PDE4D: variants seen among roughly 807,000 people sequenced by gnomAD.
PDE4D encodes the protein 3',5'-cyclic-AMP phosphodiesterase 4D.
Under a neutral mutation model 87.4 loss-of-function variants are expected in PDE4D, and 24 were observed. The ratio of observed to expected loss-of-function variants is 0.27; its 90% CI spans 0.20 to 0.39. The LOEUF is 0.39. Ranked by LOEUF, PDE4D falls within the 10% of genes least tolerant of loss-of-function variation. PDE4D has a pLI of 1.00. For synonymous variants in PDE4D, 384 were observed against 383.2 expected, an observed-to-expected ratio of 1.00 and a Z score of -0.02; for missense variants, 714 against 1,041.0, an observed-to-expected ratio of 0.69 and a Z score of 4.32.
At chr5:59,513,105 G>T (rs904139562) in intron 1 of PDE4D, among the ~76,000 whole-genome samples, 2 of 151,918 alleles carry the variant, frequency 1.3e-5, no homozygotes, top group Non-Finnish European at 2.9e-5. Flanking sequence ...TTTTCATGCC[G>T]CTATCTTTTT....
chr5:59,117,682 T>C (rs1289299187), intron 5 of PDE4D, among the ~76,000 whole-genome samples: 1 of 152,206 alleles, frequency 6.6e-6, no homozygotes, highest in Non-Finnish European at 1.5e-5. Context: ...GAACTGGATC[T>C]TGTTAAGTGT....
intron 1 of PDE4D, among the ~76,000 whole-genome samples, chr5:60,413,119 C>T (rs1477740303): frequency 6.6e-6 from 1 of 152,158 alleles, no homozygotes; most frequent in Non-Finnish European, 1.5e-5. Context: ...GCTGAGCTCA[C>T]AAGCACATAA....
chr5:59,742,433 C>A (rs1213948061), intron 1 of PDE4D, among the ~76,000 whole-genome samples: 1 of 152,146 alleles, frequency 6.6e-6, no homozygotes, highest in African/African-American at 2.4e-5. Flanking sequence ...ACATGGACAA[C>A]CATTCTATAC....
At chr5:59,780,054 G>A (rs1437577524) in intron 1 of PDE4D, among the ~76,000 whole-genome samples, 1 of 152,130 alleles carries the variant, frequency 6.6e-6, no homozygotes, top group African/African-American at 2.4e-5. Context: ...TATTTCTTAG[G>A]CAGAAGAAAT....
At chr5:59,850,591 G>A (rs1239489317) in intron 1 of PDE4D, among the ~76,000 whole-genome samples, 1 of 152,036 alleles carries the variant, frequency 6.6e-6, no homozygotes, top group Non-Finnish European at 1.5e-5. Context: ...AACATTAAGA[G>A]GTCCAGCATG....
At chr5:59,563,708 A>G (rs752182165) in intron 1 of PDE4D, among the ~76,000 whole-genome samples, 2 of 152,242 alleles carry the variant, frequency 1.3e-5, no homozygotes, top group Non-Finnish European at 2.9e-5. Flanking sequence ...GAGCCAGAAT[A>G]TAAACCTAAG....
chr5:60,102,463 G>T (rs1333592790), intron 2 of PDE4D, among the ~76,000 whole-genome samples: 1 of 152,074 alleles, frequency 6.6e-6, no homozygotes, highest in Non-Finnish European at 1.5e-5. Context: ...ATTCAGGTAG[G>T]TAGGAAAGCA....
intron 2 of PDE4D, among the ~76,000 whole-genome samples, chr5:60,121,911 G>C (rs1372982117): frequency 6.6e-6 from 1 of 152,150 alleles, no homozygotes; most frequent in African/African-American, 2.4e-5. Context: ...TTACTTCCTA[G>C]AGACAATGCA....
intron 1 of PDE4D, chr5:59,275,609 T>C (rs973204019): frequency 7.4e-7 from 1 of 1,353,690 alleles, no homozygotes; most frequent in Non-Finnish European, 9.5e-7. Flanking sequence ...TCCTTCATAC[T>C]GAATTTACTC....
chr5:59,504,900 ATATGTGTGTG>A (rs1562298813), intron 1 of PDE4D, among the ~76,000 whole-genome samples: 1 of 107,374 alleles, frequency 9.3e-6, no homozygotes, highest in African/African-American at 4.2e-5. Flanking sequence ...TGGTAGGGGT[ATATGTGTGTG>A]TGTGTGTGTG....
At chr5:59,235,826 A>T (rs28054) in intron 1 of PDE4D, among the ~76,000 whole-genome samples, 1 of 151,946 alleles carries the variant, frequency 6.6e-6, no homozygotes, top group Non-Finnish European at 1.5e-5. Context: ...TAATCATCCT[A>T]ACAATATTGT....
intron 3 of PDE4D, 32 bp from the exon 4 acceptor site, chr5:59,185,294 G>T (rs1263284892): frequency 4.6e-6 from 7 of 1,508,370 alleles, no homozygotes; most frequent in Middle Eastern, 1.7e-4. Flanking sequence ...GAAACTTCTT[G>T]AGCTAAGGCC....
intron 1 of PDE4D, among the ~76,000 whole-genome samples, chr5:59,230,209 T>G (rs1754855146): frequency 6.6e-6 from 1 of 152,154 alleles, no homozygotes; most frequent in African/African-American, 2.4e-5. Context: ...ACCCAAATTT[T>G]CAAAGCTTAC....
At chr5:60,396,349 G>A (rs1052556978) in intron 1 of PDE4D, among the ~76,000 whole-genome samples, 1 of 152,120 alleles carries the variant, frequency 6.6e-6, no homozygotes, top group African/African-American at 2.4e-5. Flanking sequence ...TTGGGCTGCT[G>A]CCACCTGGGA....
chr5:59,918,101 A>G (rs1000369244), intron 3 of PDE4D, among the ~76,000 whole-genome samples: 5 of 152,102 alleles, frequency 3.3e-5, no homozygotes, highest in Non-Finnish European at 4.4e-5. Context: ...ATTATATTTA[A>G]TAATGATAAA....
chr5:60,409,038 T>A (rs1030623789), intron 1 of PDE4D, among the ~76,000 whole-genome samples: 5 of 152,310 alleles, frequency 3.3e-5, no homozygotes, highest in African/African-American at 1.2e-4. Flanking sequence ...ACAGCCCCTG[T>A]CCTCTTGAGG....
chr5:59,337,400 C>T lies in PDE4D; in HGVS notation c.456-121432G>A, dbSNP rs372908575. ...AGGCTGGAGGGCAGTGGTGTGATCTCGGCTCACTGCAGGCTCCGTCCCCCG... is the reference window on the plus strand; with the variant it reads ...AGGCTGGAGGGCAGTGGTGTGATCTTGGCTCACTGCAGGCTCCGTCCCCCG... On this transcript the variant is annotated intron_variant, in intron 1 of 14. Transcript: ENST00000340635. Among the ~76,000 whole-genome samples the T allele has an allele frequency of 3.9e-4, 53 of 136,572 alleles. No individual in the cohort carries two copies. In the East Asian group the frequency reaches 9.3e-3, roughly 24 times the overall value. 89.6% of individuals were successfully genotyped at this position (136,572 alleles called of 152,430 possible). A position where few individuals can be genotyped will look rare whatever the true frequency, so the allele number is the denominator to read the frequency against.
At chr5:58,989,010 G>C (rs892593395) in intron 10 of PDE4D, among the ~76,000 whole-genome samples, 13 of 152,034 alleles carry the variant, frequency 8.6e-5, no homozygotes, top group Non-Finnish European at 8.8e-5. Flanking sequence ...GACATTTTGG[G>C]CCCAATAACT....
chr5:59,056,804 A>G (rs1482895889), intron 5 of PDE4D, among the ~76,000 whole-genome samples: 2 of 152,014 alleles, frequency 1.3e-5, no homozygotes, highest in African/African-American at 4.8e-5. Flanking sequence ...GCTGCATAGT[A>G]CTCCATGGTG....
Sources: gnomAD v4.1 joint callset for allele counts (sites outside exome capture counted in the v4.1 genomes callset) on GRCh38, gnomAD v4.1.1 for gene constraint, MANE v1.5 for transcripts, NCBI Gene and HGNC (gene_info 2026-07-23, HGNC 2026-07-21) for gene names.